JAZF1: variants seen among roughly 807,000 people sequenced by gnomAD.
JAZF1 encodes juxtaposed with another zinc finger protein 1.
In JAZF1, 8 loss-of-function variants were observed where a neutral mutation model predicts 26.4. The observed-to-expected ratio is 0.30, with a 90% CI of 0.18 to 0.55. The LOEUF (loss-of-function observed/expected upper bound fraction) is 0.55. JAZF1 is among the 20% of genes least tolerant of loss of function. JAZF1 has a pLI of 0.94. For missense variants in JAZF1, 199 were observed against 322.0 expected, an observed-to-expected ratio of 0.62 and a Z score of 2.92; for synonymous variants, 126 against 122.3, an observed-to-expected ratio of 1.03 and a Z score of -0.20.
At chr7:28,163,942 A>C (rs533797087) in intron 1 of JAZF1, among the ~76,000 whole-genome samples, 1 of 152,370 alleles carries the variant, frequency 6.6e-6, no homozygotes, top group Non-Finnish European at 1.5e-5. Context: ...CCTTGACCTA[A>C]TAATTCTGGC....
chr7:27,972,936 T>C (rs1278451353), intron 2 of JAZF1, among the ~76,000 whole-genome samples: 1 of 133,892 alleles, frequency 7.5e-6, no homozygotes, highest in African/African-American at 2.5e-5. Flanking sequence ...TATATATGTA[T>C]ATGTGTGTGT....
chr7:28,060,947 T>C (rs1783787958), intron 1 of JAZF1, among the ~76,000 whole-genome samples: 1 of 152,226 alleles, frequency 6.6e-6, no homozygotes, highest in Non-Finnish European at 1.5e-5. Context: ...AAAAAATCTC[T>C]TCCACTGATC....
intron 1 of JAZF1, among the ~76,000 whole-genome samples, chr7:28,121,894 C>T (rs1415726386): frequency 6.6e-6 from 1 of 152,200 alleles, no homozygotes; most frequent in Non-Finnish European, 1.5e-5. Context: ...AGCCGAATCC[C>T]ATAATCTTGG....
intron 2 of JAZF1, among the ~76,000 whole-genome samples, chr7:27,966,430 G>A (rs1199206648): frequency 6.6e-6 from 1 of 152,196 alleles, no homozygotes; most frequent in African/African-American, 2.4e-5. Context: ...AACGGATGGA[G>A]GTAGAGAGTG....
At chr7:27,844,276 A>G (rs1431365678) in intron 3 of JAZF1, 1 of 152,234 alleles carries the variant, frequency 6.6e-6, no homozygotes, top group Admixed American at 6.5e-5. Flanking sequence ...AAGTCACCAA[A>G]GCCCCTGGGC....
intron 3 of JAZF1, among the ~76,000 whole-genome samples, chr7:27,859,402 C>CTACTA (rs1245084142): frequency 6.6e-6 from 1 of 152,182 alleles, no homozygotes; most frequent in Non-Finnish European, 1.5e-5. Flanking sequence ...ATAAATCATT[C>CTACTA]TACTATAAAG....
intron 1 of JAZF1, among the ~76,000 whole-genome samples, chr7:28,128,693 A>G (rs1782740003): frequency 6.6e-6 from 1 of 152,136 alleles, no homozygotes; most frequent in Non-Finnish European, 1.5e-5. Flanking sequence ...TGTCTTGCTG[A>G]GTTTATACTT....
intron 3 of JAZF1, among the ~76,000 whole-genome samples, chr7:27,858,660 G>A (rs1227573928): frequency 6.6e-6 from 1 of 152,130 alleles, no homozygotes; most frequent in Non-Finnish European, 1.5e-5. Flanking sequence ...AATGCTGTTG[G>A]GAAAACTGGC....
At chr7:27,914,757 G>C in intron 2 of JAZF1, 4 of 471,154 alleles carry the variant, frequency 8.5e-6, no homozygotes, top group South Asian at 4.6e-5. Context: ...GGGCCTCTCA[G>C]GATGCTACAG....
At chr7:28,128,116 T>A (rs188960446) in intron 1 of JAZF1, among the ~76,000 whole-genome samples, 54 of 152,272 alleles carry the variant, frequency 3.5e-4, no homozygotes, top group African/African-American at 1.3e-3. Context: ...GAGTTAAGAA[T>A]CAGGTTGTAG....
chr7:28,008,349 G>A (rs578046626), intron 1 of JAZF1, among the ~76,000 whole-genome samples: 1 of 152,182 alleles, frequency 6.6e-6, no homozygotes, highest in South Asian at 2.1e-4. Flanking sequence ...CTGAGTGGCT[G>A]GGACTACAGG....
intron 3 of JAZF1, among the ~76,000 whole-genome samples, chr7:27,852,926 ATCCCCATTACTATTTTTTAAT>A (rs1783178137): frequency 6.6e-6 from 1 of 152,144 alleles, no homozygotes; most frequent in South Asian, 2.1e-4. Context: ...TCTTTTGGTA[ATCCCCATTACTATTTTTTAAT>A]TTAAATTTTC....
intron 1 of JAZF1, among the ~76,000 whole-genome samples, chr7:28,150,149 C>T (rs1039951158): frequency 2.0e-5 from 3 of 152,100 alleles, no homozygotes; most frequent in African/African-American, 7.2e-5. Flanking sequence ...TCATCTTGCC[C>T]GGTGGGGAGG....
At chr7:28,156,154 G>A (rs888267210) in intron 1 of JAZF1, among the ~76,000 whole-genome samples, 22 of 152,304 alleles carry the variant, frequency 1.4e-4, no homozygotes, top group East Asian at 7.7e-4. Flanking sequence ...TGGAACCATC[G>A]ATCCTTAACC....
intron 2 of JAZF1, among the ~76,000 whole-genome samples, chr7:27,957,322 C>T (rs2128356304): frequency 6.6e-6 from 1 of 152,244 alleles, no homozygotes; most frequent in African/African-American, 2.4e-5. Flanking sequence ...AAATAAATAA[C>T]ATGATTTTGT....
intron 1 of JAZF1, among the ~76,000 whole-genome samples, chr7:28,151,114 T>A (rs140210524): frequency 6.4e-4 from 34 of 53,232 alleles, no homozygotes; most frequent in Non-Finnish European, 1.7e-3. Context: ...TATATATATT[T>A]TTTTTTTGAG....
chr7:27,947,904 G>A (rs1000700032), intron 2 of JAZF1, among the ~76,000 whole-genome samples: 4 of 152,256 alleles, frequency 2.6e-5, no homozygotes, highest in Admixed American at 6.5e-5. Context: ...CAGACAAGCC[G>A]TCTCTACCTC....
At chr7:27,913,278 A>T (rs1033476773) in intron 2 of JAZF1, 1 of 204,844 alleles carries the variant, frequency 4.9e-6, no homozygotes, top group Non-Finnish European at 9.9e-6. Context: ...ATTTATATAT[A>T]TTATATATAT....
chr7:27,856,227 A>C (rs1021557855), intron 3 of JAZF1, among the ~76,000 whole-genome samples: 1 of 151,996 alleles, frequency 6.6e-6, no homozygotes, highest in Admixed American at 6.5e-5. Flanking sequence ...TCAGGAGTGA[A>C]GCTGCAGACC....
Sources: gnomAD v4.1 joint callset for allele counts (sites outside exome capture counted in the v4.1 genomes callset) on GRCh38, gnomAD v4.1.1 for gene constraint, MANE v1.5 for transcripts, NCBI Gene and HGNC (gene_info 2026-07-23, HGNC 2026-07-21) for gene names.